CBR4: variants seen among roughly 807,000 people sequenced by gnomAD.
CBR4 encodes the protein 3-oxoacyl-[acyl-carrier-protein] reductase.
In CBR4, 22 loss-of-function variants were observed where a neutral mutation model predicts 21.0. That is an observed-to-expected ratio of 1.05 (90% confidence interval 0.75 to 1.50). The LOEUF (loss-of-function observed/expected upper bound fraction) is 1.50, where lower values mean the gene tolerates loss of function less well. CBR4 is among the 40% of genes most tolerant of loss of function. CBR4 has a pLI of 0.00. For missense variants in CBR4, 302 were observed against 286.3 expected (o/e 1.05, Z -0.40); for synonymous variants, 100 against 104.4 (o/e 0.96, Z 0.26).
At chr4:168,966,679 T>C (rs1764046923) in intron 2 of CBR4, among the ~76,000 whole-genome samples, 1 of 152,164 alleles carries the variant, frequency 6.6e-6, no homozygotes, top group Non-Finnish European at 1.5e-5. Flanking sequence ...AGAAATTCCA[T>C]TTGACCCAGC....
intron 2 of CBR4, among the ~76,000 whole-genome samples, chr4:168,952,590 C>G (rs961632493): frequency 2.0e-5 from 3 of 152,158 alleles, no homozygotes; most frequent in African/African-American, 7.2e-5. Flanking sequence ...TGTTCAGATT[C>G]TTTTGTCTCA....
At chr4:168,937,869 C>T (rs1582292495) in intron 2 of CBR4, among the ~76,000 whole-genome samples, 2 of 152,160 alleles carry the variant, frequency 1.3e-5, no homozygotes, top group East Asian at 1.9e-4. Context: ...TAGTGGGAGA[C>T]TTTAACACCC....
At chr4:168,994,601 GAC>G (rs1157297405) in intron 4 of CBR4, among the ~76,000 whole-genome samples, 1 of 152,018 alleles carries the variant, frequency 6.6e-6, no homozygotes, top group Non-Finnish European at 1.5e-5. Context: ...TTTCTTTTGA[GAC>G]AGTCTGGCTC....
chr4:168,956,457 G>A (rs978209148), intron 2 of CBR4, among the ~76,000 whole-genome samples: 2 of 151,728 alleles, frequency 1.3e-5, no homozygotes, highest in Admixed American at 6.6e-5. Context: ...AATTAGTTAC[G>A]CACGGTGGCG....
At chr4:168,969,291 G>A (rs1764134629) in intron 2 of CBR4, among the ~76,000 whole-genome samples, 1 of 152,158 alleles carries the variant, frequency 6.6e-6, no homozygotes, top group African/African-American at 2.4e-5. Flanking sequence ...CAGAGAACTG[G>A]TCCAAGTCTG....
intron 2 of CBR4, among the ~76,000 whole-genome samples, chr4:168,934,438 C>T (rs1763055275): frequency 6.6e-6 from 1 of 151,542 alleles, no homozygotes. Flanking sequence ...AATCAACTAG[C>T]CACTAGACTA....
At chr4:168,930,651 G>A (rs1356208545) in intron 2 of CBR4, among the ~76,000 whole-genome samples, 1 of 152,118 alleles carries the variant, frequency 6.6e-6, no homozygotes, top group Non-Finnish European at 1.5e-5. Flanking sequence ...GTGCAGTGGG[G>A]GTAGCTGCGG....
chr4:168,916,055 C>T (rs376808728), intron 2 of CBR4: 1 of 1,604,034 alleles, frequency 6.2e-7, no homozygotes, highest in African/African-American at 1.3e-5. Flanking sequence ...CTTGCATATC[C>T]TATTGCCCCA....
In CBR4 at chr4:169,002,178, G is replaced by C. The variant is rs750607130; in HGVS notation, c.428C>G (p.Ser143Cys). ...ACTGGCACTGTAAACGGACTGGCCAGAGTTGCCTTTTAAGCCAACAATGCT... is the reference window on the plus strand; with the variant it reads ...ACTGGCACTGTAAACGGACTGGCCACAGTTGCCTTTTAAGCCAACAATGCT... The part of the protein sequence containing the change: ...VGSIVGLKGN[S>C]GQSVYSASKG... Residue 143 changes from serine (S) to cysteine (C), a missense_variant, in exon 4 of 5, where the codon TCT becomes TGT. Transcript: ENST00000306193. 5 of 1,458,048 alleles carry C rather than the reference G, an allele frequency of 3.4e-6. No homozygotes were observed. The South Asian group carries it at 6.9e-5, about 20-fold the overall frequency. The allele number at this position is 1,458,048 out of a possible 1,614,324, so 90.3% of individuals were successfully genotyped here.
chr4:168,921,453 A>G, intron 2 of CBR4: 1 of 883,598 alleles, frequency 1.1e-6, no homozygotes, highest in Non-Finnish European at 1.8e-6. Flanking sequence ...CTGAAGGAGG[A>G]ATTTATGCAG....
chr4:168,965,513 A>G lies in CBR4; in HGVS notation n.169+36558T>C, dbSNP rs560884475. 2.0e-5 allele frequency among the ~76,000 whole-genome samples: 3 copies of G among 152,348 alleles called. No homozygotes were observed. The South Asian group carries it at 6.2e-4, about 32-fold the overall frequency. Reference sequence around the variant, plus strand: ...TGACTTCAAACTATACTACAAGGCTACAGTAACCAAAACAGCATGGTACTG... The same window carrying G: ...TGACTTCAAACTATACTACAAGGCTGCAGTAACCAAAACAGCATGGTACTG... On this transcript the variant is annotated intron_variant and non_coding_transcript_variant, in intron 2 of 3. Coordinates refer to the CBR4 transcript ENST00000509108.
At chr4:168,959,517 G>A (rs1225409758) in intron 2 of CBR4, among the ~76,000 whole-genome samples, 4 of 148,494 alleles carry the variant, frequency 2.7e-5, no homozygotes, top group South Asian at 4.3e-4. Flanking sequence ...GGCTAATCTC[G>A]GTGGTTTACA....
At chr4:168,926,432 G>C in intron 2 of CBR4, 1 of 1,345,390 alleles carries the variant, frequency 7.4e-7, no homozygotes, top group Non-Finnish European at 1.0e-6. Flanking sequence ...CCATTGCCTT[G>C]ACCAACATAT....
chr4:168,903,730 A>C (rs978928510), intron 2 of CBR4: 1 of 1,590,912 alleles, frequency 6.3e-7, no homozygotes. Flanking sequence ...CAAACTCCTA[A>C]TCTTTAATCT....
In CBR4 at chr4:168,913,136, C is replaced by CT. The variant is rs33986728; in HGVS notation, n.170-18372dup. Among the ~76,000 whole-genome samples, 832 of 118,986 alleles carry CT rather than the reference C, an allele frequency of 7.0e-3. 6 individuals carry two copies. The highest frequency in any genetic ancestry group is 8.1e-3 in the Admixed American group (92 of 11,380). 78.1% of individuals were successfully genotyped at this position (118,986 alleles called of 152,430 possible). A position where few individuals can be genotyped will look rare whatever the true frequency, so the allele number is the denominator to read the frequency against. On this transcript the variant is annotated intron_variant and non_coding_transcript_variant, in intron 2 of 3. Coordinates refer to the CBR4 transcript ENST00000509108. Reference sequence around the variant, plus strand: ...TGGTTTGGGGAAGGGATGCCACTAACTTTTTTTTTTTTTTTTTTGAGACAG... The same window carrying CT: ...TGGTTTGGGGAAGGGATGCCACTAACTTTTTTTTTTTTTTTTTTTGAGACAG...
intron 2 of CBR4, among the ~76,000 whole-genome samples, chr4:168,960,725 A>C (rs893128693): frequency 1.3e-5 from 2 of 152,210 alleles, no homozygotes; most frequent in Non-Finnish European, 2.9e-5. Flanking sequence ...TCTTAAATCC[A>C]TGTACTTTCT....
chr4:168,949,114 T>A (rs530864128), intron 2 of CBR4, among the ~76,000 whole-genome samples: 1 of 152,276 alleles, frequency 6.6e-6, no homozygotes, highest in East Asian at 1.9e-4. Context: ...AGTATTTAAA[T>A]TTTTTTGCAG....
At chr4:168,970,244 CAATTTG>C (rs1478510775) in intron 2 of CBR4, among the ~76,000 whole-genome samples, 4 of 152,006 alleles carry the variant, frequency 2.6e-5, no homozygotes, top group Non-Finnish European at 5.9e-5. Flanking sequence ...TTAATATAGT[CAATTTG>C]ACCAAACTTT....
At chr4:168,960,978 T>C (rs969067955) in intron 2 of CBR4, among the ~76,000 whole-genome samples, 5 of 152,214 alleles carry the variant, frequency 3.3e-5, no homozygotes, top group Non-Finnish European at 7.3e-5. Context: ...AATCTCAAAC[T>C]GCTTGCTGAG....
Sources: allele counts gnomAD v4.1 joint callset (sites outside exome capture counted in the v4.1 genomes callset), GRCh38; gene constraint gnomAD v4.1.1; transcripts MANE v1.5; gene names NCBI Gene and HGNC (gene_info 2026-07-23, HGNC 2026-07-21).